Variants in CDCA2 observed in about 807,000 individuals in gnomAD.
CDCA2 encodes cell division cycle associated 2, also known as cell division cycle-associated protein 2.
CDCA2 carries 44 observed loss-of-function variants against 67.0 expected under a neutral mutation model. The ratio of observed to expected loss-of-function variants is 0.66; its 90% CI spans 0.52 to 0.84. The LOEUF (loss-of-function observed/expected upper bound fraction) is 0.84, where lower values mean the gene tolerates loss of function less well. Among genes scored for constraint, CDCA2 ranks in the 40% least tolerant of loss-of-function variants. The pLI, the probability that CDCA2 is intolerant of heterozygous loss-of-function variation, is 0.00. For missense variants in CDCA2, 1,253 were observed against 1,203.2 expected (o/e 1.04, Z -0.61); for synonymous variants, 447 against 418.7 (o/e 1.07, Z -0.82).
At chr8:25,476,640 C>T (rs1478116742) in intron 7 of CDCA2, among the ~76,000 whole-genome samples, 1 of 151,906 alleles carries the variant, frequency 6.6e-6, no homozygotes, top group Admixed American at 6.6e-5. Context: ...GCAACCTCTG[C>T]CTCCTGGGTT....
intron 9 of CDCA2, 40 bp downstream of exon 9, chr8:25,483,526 T>C (rs759537889): frequency 1.4e-6 from 2 of 1,426,162 alleles, no homozygotes; most frequent in South Asian, 1.2e-5. Context: ...GAGGATATCA[T>C]TTTCATGTTA....
At position 25,503,396 on chromosome 8, in the gene CDCA2, G is replaced by T. The variant is rs769315492; in HGVS notation, c.1695G>T (p.Lys565Asn). The T allele has an allele frequency of 6.2e-7, 1 of 1,613,416 alleles. No individual in the cohort carries two copies. Among genetic ancestry groups the T allele is most frequent in the South Asian group, 1.1e-5 (1 of 91,064 alleles). ...KSQVLKSCRK[K>N]KGKGKKSVQK... ...AGGTTTTAAAAAGTTGCAGAAAGAAGAAAGGAAAGGGAAAGAAAAGTGTTC... is the reference window on the plus strand; with the variant it reads ...AGGTTTTAAAAAGTTGCAGAAAGAATAAAGGAAAGGGAAAGAAAAGTGTTC... Residue 565 changes from lysine to asparagine, a missense_variant, in exon 14 of 15, where the codon AAG becomes AAT. Coordinates refer to ENST00000330560, the MANE Select transcript of CDCA2 (RefSeq NM_152562.4).
Position 25,468,480 on chromosome 8 carries a change from T to C in CDCA2, c.735+67T>C, listed in dbSNP as rs1322640782. On this transcript the variant is annotated intron_variant, in intron 6 of 14. Transcript: ENST00000330560. ...TTTTCTGCATAGGCAGTTTTAAGGC[T>C]GTCAGTGCCGTTCTTCAATTTTAGT... 3.8e-6 allele frequency: 5 copies of C among 1,310,430 alleles called. No homozygotes were observed. In the African/African-American group the frequency reaches 5.8e-5, roughly 15 times the overall value. The allele number at this position is 1,310,430 out of a possible 1,614,324, so 81.2% of individuals were successfully genotyped here. A position where few individuals can be genotyped will look rare whatever the true frequency, so the allele number is the denominator to read the frequency against.
chr8:25,494,210 A>G lies in CDCA2; in HGVS notation c.1671+5521A>G, dbSNP rs556880836. 1.4e-4 allele frequency among the ~76,000 whole-genome samples: 22 copies of G among 152,258 alleles called. No individual in the cohort carries two copies. In the East Asian group the frequency reaches 3.7e-3, roughly 25 times the overall value. On this transcript the variant is annotated intron_variant, in intron 13 of 14. Coordinates refer to ENST00000330560, the MANE Select transcript of CDCA2 (RefSeq NM_152562.4). ...TGAGGTGGCTCACACCTGTAATCTC[A>G]GCACTTTGGGAGGCTGATATTGGAG...
At position 25,507,324 on chromosome 8, in the gene CDCA2, T is replaced by G. The variant is rs891437327; in HGVS notation, c.2658T>G (p.Ser886Arg). Residue 886 changes from serine (S) to arginine (R), a missense_variant, in exon 15 of 15, where the codon AGT (serine) becomes AGG (arginine). Coordinates refer to ENST00000330560, the MANE Select transcript of CDCA2 (RefSeq NM_152562.4). ...AIEQTFQRRN[S>R]ETKVRRSTRL... ...AGCAAACCTTTCAGAGGAGAAATAG[T>G]GAAACCAAAGTGCGACGTAGCACGA... The G allele has an allele frequency of 1.2e-6, 2 of 1,613,942 alleles. No individual in the cohort carries two copies. Among genetic ancestry groups the G allele is most frequent in the African/African-American group, 1.3e-5 (1 of 75,008 alleles).
intron 13 of CDCA2, among the ~76,000 whole-genome samples, chr8:25,501,012 CTT>C (rs1440706245): frequency 6.6e-6 from 1 of 152,032 alleles, no homozygotes; most frequent in East Asian, 1.9e-4. Flanking sequence ...TAAGATTTTT[CTT>C]TTCTCTTGGC....
intron 13 of CDCA2, among the ~76,000 whole-genome samples, chr8:25,494,289 A>G (rs908616859): frequency 6.6e-6 from 1 of 152,074 alleles, no homozygotes; most frequent in African/African-American, 2.4e-5. Context: ...GCACAACCCC[A>G]TCTGTATTTT....
intron 4 of CDCA2, among the ~76,000 whole-genome samples, chr8:25,463,537 T>A (rs981511261): frequency 6.6e-6 from 1 of 152,206 alleles, no homozygotes; most frequent in African/African-American, 2.4e-5. Context: ...AATGAATGAC[T>A]GTTCCTGGTT....
intron 7 of CDCA2, chr8:25,472,259 T>A (rs1009088339): frequency 2.2e-5 from 2 of 91,692 alleles, no homozygotes; most frequent in Non-Finnish European, 6.2e-5. Flanking sequence ...TTTTATTTAT[T>A]TTTTTTTTTT....
chr8:25,482,406 C>T (rs1216298565), intron 8 of CDCA2, among the ~76,000 whole-genome samples: 1 of 152,116 alleles, frequency 6.6e-6, no homozygotes, highest in Non-Finnish European at 1.5e-5. Context: ...CATCTGACAC[C>T]ATATATGGTA....
chr8:25,461,715 G>C lies in CDCA2; in HGVS notation c.233-339G>C, dbSNP rs537549308. On this transcript the variant is annotated intron_variant, in intron 3 of 14. Transcript: ENST00000330560. The stretch of plus-strand genomic sequence containing the variant: ...GCTGGGGATAAAACTGACTTATTTA[G>C]AAAAAGAAAAATACTGAGTCAAAAG... Among the ~76,000 whole-genome samples, 7 of 152,188 alleles carry C rather than the reference G, an allele frequency of 4.6e-5. No homozygotes were observed. In the East Asian group the frequency reaches 1.4e-3, roughly 29 times the overall value.
intron 7 of CDCA2, among the ~76,000 whole-genome samples, chr8:25,473,678 T>G (rs1803243848): frequency 6.6e-6 from 1 of 152,228 alleles, no homozygotes; most frequent in African/African-American, 2.4e-5. Flanking sequence ...CAGAGAAACA[T>G]GTTTCACATA....
chr8:25,467,066 A>AAC (rs397830929), intron 5 of CDCA2, among the ~76,000 whole-genome samples: 24 of 102,428 alleles, frequency 2.3e-4, no homozygotes, highest in Non-Finnish European at 4.2e-4. Context: ...AAAAAAAAAA[A>AAC]CACACACACA....
At chr8:25,500,511 T>G (rs934398493) in intron 13 of CDCA2, among the ~76,000 whole-genome samples, 1 of 151,958 alleles carries the variant, frequency 6.6e-6, no homozygotes, top group Non-Finnish European at 1.5e-5. Flanking sequence ...CAATTAAAAC[T>G]TTTTTTTCTA....
At chr8:25,479,741 A>C in intron 7 of CDCA2, 172 bp from the exon 8 acceptor site, 1 of 633,814 alleles carries the variant, frequency 1.6e-6, no homozygotes, top group Non-Finnish European at 2.7e-6. Flanking sequence ...CTGCTTCTTT[A>C]CCTCCTTTTC....
At chr8:25,477,388 A>T (rs1393858350) in intron 7 of CDCA2, among the ~76,000 whole-genome samples, 1 of 151,814 alleles carries the variant, frequency 6.6e-6, no homozygotes, top group Non-Finnish European at 1.5e-5. Flanking sequence ...CTCGACCTTC[A>T]TGTTCGGTGC....
chr8:25,493,464 G>A (rs1804090992), intron 13 of CDCA2, among the ~76,000 whole-genome samples: 1 of 152,134 alleles, frequency 6.6e-6, no homozygotes, highest in East Asian at 1.9e-4. Context: ...CATGCGTAAG[G>A]AAAAAAATCC....
At position 25,460,466 on chromosome 8, in the gene CDCA2, A is replaced by C; in HGVS notation, c.144A>C (p.Pro48=). The change falls in exon 3 of 15, where the codon CCA becomes CCC. Residue 48 remains proline (P), a synonymous_variant. Coordinates refer to ENST00000330560, the MANE Select transcript of CDCA2 (RefSeq NM_152562.4). ...HAELPPNPCT[P]DTFKSPLNFS... is the part of the protein sequence containing the mutation. ...AATTACCTCCTAATCCTTGCACACC[A>C]GATACTTTTAAATCACCTTTGAACT... 1 of 1,614,206 alleles carries C rather than the reference A, an allele frequency of 6.2e-7. No individual in the cohort carries two copies. Among genetic ancestry groups the C allele is most frequent in the Non-Finnish European group, 8.5e-7 (1 of 1,180,032 alleles).
At chr8:25,488,810 A>T in intron 13 of CDCA2, 121 bp downstream of exon 13, 1 of 890,784 alleles carries the variant, frequency 1.1e-6, no homozygotes, top group Non-Finnish European at 1.5e-6. Flanking sequence ...TATTAATGCA[A>T]TCTTACCGTG....
Sources: gnomAD v4.1 joint callset for allele counts (sites outside exome capture counted in the v4.1 genomes callset) on GRCh38, gnomAD v4.1.1 for gene constraint, MANE v1.5 for transcripts, NCBI Gene and HGNC (gene_info 2026-07-23, HGNC 2026-07-21) for gene names.